REN: variants seen among roughly 807,000 people sequenced by gnomAD.
REN encodes the protein renin, also known as angiotensin-forming enzyme.
REN carries 42 observed loss-of-function variants against 48.6 expected under a neutral mutation model. That is an observed-to-expected ratio of 0.86 (90% CI 0.68 to 1.12). The LOEUF (loss-of-function observed/expected upper bound fraction) is 1.12. REN is among the 50% of genes most tolerant of loss of function. The pLI, the probability that REN is intolerant of heterozygous loss-of-function variation, is 0.00. For missense variants in REN, 443 were observed against 527.3 expected (o/e 0.84, Z 1.57); for synonymous variants, 196 against 204.6 (o/e 0.96, Z 0.36).
chr1:204,160,923 C>T lies in REN; in HGVS notation c.374-245G>A, dbSNP rs571626271. Among the ~76,000 whole-genome samples the T allele has an allele frequency of 1.4e-4, 22 of 152,244 alleles. No homozygotes were observed. The South Asian group carries it at 4.2e-3, about 29-fold the overall frequency. On this transcript the variant is annotated intron_variant, in intron 3 of 9. Transcript: ENST00000272190. ...TTAAAGTAATCACTAACACTGATAACACCAGAGAAGATGCCAGGCACAGAG... is the reference window on the plus strand; with the variant it reads ...TTAAAGTAATCACTAACACTGATAATACCAGAGAAGATGCCAGGCACAGAG...
chr1:204,156,268 C>G lies in REN; in HGVS notation c.870G>C (p.Leu290Phe), dbSNP rs1658147790. 3.1e-6 allele frequency: 5 copies of G among 1,614,186 alleles called. No homozygotes were observed. The highest frequency in any genetic ancestry group is 1.6e-4 in the Middle Eastern group (1 of 6,062). The change falls in exon 8 of 10, where the codon TTG (leucine) becomes TTC (phenylalanine). Residue 290 changes from leucine (L) to phenylalanine (F), a missense_variant. By Grantham distance (22) the Leu-to-Phe change is conservative. Coordinates refer to ENST00000272190, the MANE Select transcript of REN (RefSeq NM_000537.4). The surrounding 1 kb of genome is among the most constrained non-coding windows in gnomAD (Gnocchi z 4.2). ...TLLCEDGCLALVDTGASYISG... is the reference protein window; with the variant it reads ...TLLCEDGCLAFVDTGASYISG... ...AGATGTAGGATGCACCGGTGTCTAC[C>G]AATGCCAGGCAGCCGTCTTCACAGA...
At chr1:204,163,810 A>G (rs952535747) in intron 1 of REN, among the ~76,000 whole-genome samples, 1 of 152,302 alleles carries the variant, frequency 6.6e-6, no homozygotes, top group South Asian at 2.1e-4. Context: ...CTTACCACTT[A>G]TGTGATTCTG....
At chr1:204,162,199 G>A in intron 1 of REN, 36 bp from the exon 2 acceptor site, 1 of 1,611,864 alleles carries the variant, frequency 6.2e-7, no homozygotes, top group Non-Finnish European at 8.5e-7. Flanking sequence ...ATAGAAAAGT[G>A]CTGTACCTCC....
chr1:204,165,024 T>C (rs909578406), intron 1 of REN, among the ~76,000 whole-genome samples: 1 of 151,556 alleles, frequency 6.6e-6, no homozygotes, highest in Non-Finnish European at 1.5e-5. Flanking sequence ...CAGGCTGGAG[T>C]GCAATGGCGC....
Position 204,160,515 on chromosome 1 carries a change from G to A in REN, c.492+45C>T, listed in dbSNP as rs563166764. 2.3e-6 allele frequency: 3 copies of A among 1,314,482 alleles called. No individual in the cohort carries two copies. The South Asian group carries it at 3.5e-5, about 15-fold the overall frequency. The allele number at this position is 1,314,482 out of a possible 1,614,324, so 81.4% of individuals were successfully genotyped here. A position where few individuals can be genotyped will look rare whatever the true frequency, so the allele number is the denominator to read the frequency against. Reference sequence around the variant, plus strand: ...CCTGGAGGGTCAGGAGAGGCCTGGGGACAGAAGGGGTCCGGGGCAGATGAC... The same window carrying A: ...CCTGGAGGGTCAGGAGAGGCCTGGGAACAGAAGGGGTCCGGGGCAGATGAC... On this transcript the variant is annotated intron_variant, in intron 4 of 9. Coordinates refer to ENST00000272190, the MANE Select transcript of REN (RefSeq NM_000537.4).
Position 204,155,050 on chromosome 1 carries a change from C to T in REN, c.1187G>A (p.Arg396His), listed in dbSNP as rs769746703. 43 of 1,614,210 alleles carry T rather than the reference C, an allele frequency of 2.7e-5. No individual in the cohort carries two copies. The highest frequency in any genetic ancestry group is 2.8e-5 in the Non-Finnish European group (33 of 1,180,042). ...CAAGGCGAAGCCAATGCGGTTGTTA[C>T]GCCGATCAAACTCTGTGTAGAACTT... ...IRKFYTEFDR[R>H]NNRIGFALAR Residue 396 changes from arginine to histidine, a missense_variant, in exon 10 of 10, where the codon CGT becomes CAT. Coordinates refer to ENST00000272190, the MANE Select transcript of REN (RefSeq NM_000537.4).
chr1:204,157,701 G>T (rs1262404583), intron 5 of REN, among the ~76,000 whole-genome samples: 1 of 152,258 alleles, frequency 6.6e-6, no homozygotes, highest in Non-Finnish European at 1.5e-5. Flanking sequence ...ATTCACACAT[G>T]CACATGTGTG....
chr1:204,160,273 G>A (rs61764266), intron 4 of REN, among the ~76,000 whole-genome samples: 1,605 of 152,318 alleles, frequency 0.011, 19 homozygotes, highest in Non-Finnish European at 0.016. Context: ...GAACTTGGAC[G>A]AGTTACTTGA....
intron 5 of REN, among the ~76,000 whole-genome samples, chr1:204,157,636 T>A (rs1658172397): frequency 6.6e-6 from 1 of 152,342 alleles, no homozygotes; most frequent in African/African-American, 2.4e-5. Flanking sequence ...ACTGTAGGCC[T>A]AGTCTCCAGG....
intron 2 of REN, 93 bp downstream of exon 2, chr1:204,161,920 G>T: frequency 6.6e-7 from 1 of 1,522,874 alleles, no homozygotes; most frequent in Non-Finnish European, 9.0e-7. Context: ...GTCAAACACA[G>T]CTTGGAAAGG....
intron 1 of REN, among the ~76,000 whole-genome samples, chr1:204,165,745 C>T (rs1376819142): frequency 6.6e-6 from 1 of 152,092 alleles, no homozygotes. Flanking sequence ...GTGCCTGCCA[C>T]CATGCCCGGC....
chr1:204,155,534 A>G (rs949305022), intron 9 of REN, among the ~76,000 whole-genome samples: 2 of 152,174 alleles, frequency 1.3e-5, no homozygotes, highest in African/African-American at 4.8e-5. Flanking sequence ...GGAGTATTTG[A>G]TGAGAAAATG....
chr1:204,164,276 A>T (rs1658298843), intron 1 of REN, among the ~76,000 whole-genome samples: 1 of 152,202 alleles, frequency 6.6e-6, no homozygotes, highest in East Asian at 1.9e-4. Context: ...TTTCGGAAGC[A>T]AAAGGCCCAG....
intron 2 of REN, 32 bp from the exon 3 acceptor site, chr1:204,161,447 C>A: frequency 6.9e-7 from 1 of 1,458,152 alleles, no homozygotes; most frequent in South Asian, 1.6e-5. Flanking sequence ...GCTGGAGGGG[C>A]TCAGGGGACC....
At chr1:204,155,375 T>C (rs1658130183) in intron 9 of REN, among the ~76,000 whole-genome samples, 198 bp from the exon 10 acceptor site, 2 of 152,204 alleles carry the variant, frequency 1.3e-5, no homozygotes, top group Non-Finnish European at 2.9e-5. Context: ...GCCCCTGTGC[T>C]AGATCCCAGG....
intron 3 of REN, among the ~76,000 whole-genome samples, chr1:204,160,879 T>C (rs1051773084): frequency 2.6e-5 from 4 of 152,126 alleles, no homozygotes; most frequent in Non-Finnish European, 4.4e-5. Flanking sequence ...ATCGAGAATT[T>C]TGTCCTAAAT....
Position 204,156,451 on chromosome 1 carries a change from G to A in REN, c.819-132C>T. 1 of 1,391,784 alleles carries A rather than the reference G, an allele frequency of 7.2e-7. No individual in the cohort carries two copies. The highest frequency in any genetic ancestry group is 9.9e-7 in the Non-Finnish European group (1 of 1,012,282). The allele number at this position is 1,391,784 out of a possible 1,614,324, so 86.2% of individuals were successfully genotyped here. ...CACGCTGGTGGCCTGTTGAGGCAGT[G>A]AGTAGAGGAGGGAAGGTACTGTCAC... On this transcript the variant is annotated intron_variant, in intron 7 of 9. Coordinates refer to ENST00000272190, the MANE Select transcript of REN (RefSeq NM_000537.4). This position sits in a 1 kb window ranked among gnomAD's most constrained non-coding sequence, Gnocchi z 4.2.
At chr1:204,166,108 A>G (rs1447801365) in intron 1 of REN, 88 bp downstream of exon 1, 2 of 1,065,394 alleles carry the variant, frequency 1.9e-6, no homozygotes, top group Non-Finnish European at 2.9e-6. Flanking sequence ...TAAGGACTGA[A>G]TGACACCGCA....
In REN at chr1:204,160,696, G is replaced by A; in HGVS notation, c.374-18C>T. ...GTGATACACTGGCAGGGGGACAGAG[G>A]CTCAGGTTTGTCCAAGAGTGGCCCA... On this transcript the variant is annotated intron_variant, in intron 3 of 9. Coordinates refer to ENST00000272190, the MANE Select transcript of REN (RefSeq NM_000537.4). The A allele has an allele frequency of 6.3e-7, 1 of 1,582,832 alleles. No individual in the cohort carries two copies. Among genetic ancestry groups the A allele is most frequent in the Non-Finnish European group, 8.7e-7 (1 of 1,151,366 alleles).
Sources: allele counts gnomAD v4.1 joint callset (sites outside exome capture counted in the v4.1 genomes callset), GRCh38; gene constraint gnomAD v4.1.1; non-coding constraint Gnocchi (gnomAD v3.1); transcripts MANE v1.5; gene names NCBI Gene and HGNC (gene_info 2026-07-23, HGNC 2026-07-21).